Variants in BICRA observed in about 807,000 individuals in gnomAD.
BICRA encodes the protein BRD4-interacting chromatin-remodeling complex-associated protein.
A neutral mutation model predicts 96.9 loss-of-function variants in BICRA; 31 were observed. That is an observed-to-expected ratio of 0.32 (90% CI 0.24 to 0.43). The LOEUF is 0.43. Ranked by LOEUF, BICRA falls within the 20% of genes least tolerant of loss-of-function variation. The pLI, the probability that BICRA is intolerant of heterozygous loss-of-function variation, is 1.00. For missense variants in BICRA, 2,283 were observed against 2,190.3 expected, an observed-to-expected ratio of 1.04 and a Z score of -0.84; for synonymous variants, 1,350 against 1,071.8, an observed-to-expected ratio of 1.26 and a Z score of -5.07.
chr19:47,612,695 A>G (rs1971926925), intron 1 of BICRA, among the ~76,000 whole-genome samples: 3 of 151,218 alleles, frequency 2.0e-5, no homozygotes, highest in Non-Finnish European at 4.4e-5. Context: ...GAGGTAATAC[A>G]GGTGATCTTG....
intron 1 of BICRA, among the ~76,000 whole-genome samples, chr19:47,641,070 A>ATTTTTTTTTTT (rs71180861): frequency 4.8e-4 from 50 of 104,526 alleles, no homozygotes; most frequent in African/African-American, 1.6e-3. Context: ...TGCCTGGCTA[A>ATTTTTTTTTTT]TTTTTTTTTT....
chr19:47,640,146 T>C (rs528250406), intron 1 of BICRA, among the ~76,000 whole-genome samples: 1 of 152,320 alleles, frequency 6.6e-6, no homozygotes, highest in South Asian at 2.1e-4. Flanking sequence ...GTAACATTTA[T>C]CCCTTTGTTA....
intron 1 of BICRA, among the ~76,000 whole-genome samples, chr19:47,639,319 ATTTTTTT>A (rs35509834): frequency 9.5e-5 from 5 of 52,376 alleles, no homozygotes; most frequent in South Asian, 8.3e-4. Flanking sequence ...CCCACCCTGC[ATTTTTTT>A]TTTTTTTTTT....
chr19:47,618,339 T>A (rs1274680648), intron 1 of BICRA, among the ~76,000 whole-genome samples: 1 of 152,142 alleles, frequency 6.6e-6, no homozygotes, highest in Non-Finnish European at 1.5e-5. Flanking sequence ...GCTATTTCCC[T>A]CCTTTAGTCC....
chr19:47,672,629 G>C (rs929711420), intron 2 of BICRA, among the ~76,000 whole-genome samples: 2 of 151,642 alleles, frequency 1.3e-5, no homozygotes, highest in African/African-American at 2.4e-5. Context: ...TGTTTTGGAG[G>C]GTTGGAGGAA....
At chr19:47,659,135 C>G (rs1972666334) in intron 1 of BICRA, among the ~76,000 whole-genome samples, 1 of 152,170 alleles carries the variant, frequency 6.6e-6, no homozygotes, top group African/African-American at 2.4e-5. Flanking sequence ...AGAGAAGATG[C>G]ATAAAACATT....
At chr19:47,626,944 A>T (rs576318518) in intron 1 of BICRA, among the ~76,000 whole-genome samples, 1 of 150,976 alleles carries the variant, frequency 6.6e-6, no homozygotes, top group South Asian at 2.1e-4. Flanking sequence ...CTCGTCTTGA[A>T]CTCCTGTCCT....
intron 1 of BICRA, among the ~76,000 whole-genome samples, chr19:47,658,769 T>C (rs1972660867): frequency 6.6e-6 from 1 of 152,118 alleles, no homozygotes; most frequent in East Asian, 1.9e-4. Flanking sequence ...GACCTGCCGA[T>C]TCCCAGATTC....
intron 7 of BICRA, among the ~76,000 whole-genome samples, chr19:47,684,029 C>G (rs1017955304): frequency 6.6e-6 from 1 of 152,216 alleles, no homozygotes; most frequent in Non-Finnish European, 1.5e-5. Flanking sequence ...GTTTCACTTG[C>G]ACGCTCTCCC....
chr19:47,673,425 T>A (rs2123576872), intron 2 of BICRA, 145 bp from the exon 3 acceptor site: 2 of 680,514 alleles, frequency 2.9e-6, no homozygotes, highest in East Asian at 5.1e-5. Flanking sequence ...TGGGAGGTAT[T>A]CCTTGTCCCC....
intron 1 of BICRA, among the ~76,000 whole-genome samples, chr19:47,616,983 G>A (rs1004431516): frequency 1.1e-4 from 16 of 151,808 alleles, no homozygotes; most frequent in African/African-American, 3.1e-4. Context: ...TGTGGGCCAC[G>A]ACACCCAGCT....
chr19:47,655,251 C>G (rs1215741052), intron 1 of BICRA, among the ~76,000 whole-genome samples: 1 of 152,030 alleles, frequency 6.6e-6, no homozygotes, highest in Non-Finnish European at 1.5e-5. Context: ...TTTGGCCAGG[C>G]GTGGTGGCTC....
At chr19:47,621,394 T>G (rs1972062199) in intron 1 of BICRA, among the ~76,000 whole-genome samples, 2 of 152,092 alleles carry the variant, frequency 1.3e-5, no homozygotes. Context: ...CCCTGATGTC[T>G]TCCCAGTGCT....
rs1206545099 is a variant in BICRA at position 47,699,565 on chromosome 19, C to G, written c.3595+160C>G. Among the ~76,000 whole-genome samples the G allele has an allele frequency of 1.3e-5, 2 of 152,210 alleles. No homozygotes were observed. The highest frequency in any genetic ancestry group is 1.9e-4 in the East Asian group (1 of 5,168). Reference sequence around the variant, plus strand: ...CTTCCTGCTGGCAGCTGTGCCTCCCCTGACCTCCCGCCTCTCAGACCAGAT... The same window carrying G: ...CTTCCTGCTGGCAGCTGTGCCTCCCGTGACCTCCCGCCTCTCAGACCAGAT... On this transcript the variant is annotated intron_variant, in intron 14 of 14. Coordinates refer to ENST00000594866, the MANE Select transcript of BICRA (RefSeq NM_001394372.1). This position sits in a 1 kb window ranked among gnomAD's most constrained non-coding sequence, Gnocchi z 5.0.
rs374601970 is a variant in BICRA, at chr19:47,673,780, G to C, written c.84+18G>C. On this transcript the variant is annotated intron_variant, in intron 4 of 14. Transcript: ENST00000594866. ...CCGAGAAGGTAAGCATGGGCGCAGGGAGAGGCATTCCCTGAGTGGGGGGCT... is the reference window on the plus strand; with the variant it reads ...CCGAGAAGGTAAGCATGGGCGCAGGCAGAGGCATTCCCTGAGTGGGGGGCT... The C allele has an allele frequency of 4.4e-5, 71 of 1,606,726 alleles. No individual in the cohort carries two copies. The highest frequency in any genetic ancestry group is 6.0e-5 in the Non-Finnish European group (70 of 1,173,550).
In BICRA at chr19:47,698,586, T is replaced by TACCCCCC; in HGVS notation, c.3249-48_3249-47insACCCCCC. 2.8e-6 allele frequency: 2 copies of TACCCCCC among 716,702 alleles called. No homozygotes were observed. The highest frequency in any genetic ancestry group is 2.5e-6 in the Non-Finnish European group (1 of 392,844). 44.4% of individuals were successfully genotyped at this position (716,702 alleles called of 1,614,324 possible). ...AGGGACTTCCCCTGGCCCTCACCCG[T>TACCCCCC]CCCCCCCACCCTCCGCCGTGTGTGG... On this transcript the variant is annotated intron_variant, in intron 11 of 14. Transcript: ENST00000594866. This position sits in a 1 kb window ranked among gnomAD's most constrained non-coding sequence, Gnocchi z 4.8.
intron 1 of BICRA, among the ~76,000 whole-genome samples, chr19:47,669,458 T>C (rs1055588254): frequency 6.6e-6 from 1 of 152,096 alleles, no homozygotes; most frequent in African/African-American, 2.4e-5. Flanking sequence ...CTACTGCAAA[T>C]AGCAAGAATT....
intron 1 of BICRA, among the ~76,000 whole-genome samples, chr19:47,632,938 G>A (rs1017168327): frequency 2.0e-5 from 3 of 152,124 alleles, no homozygotes; most frequent in African/African-American, 7.2e-5. Flanking sequence ...CCGAAGTGGT[G>A]CAAGGGTTCG....
chr19:47,675,698 C>G lies in BICRA; in HGVS notation c.85-153C>G, dbSNP rs1319709671. Among the ~76,000 whole-genome samples, 1 of 152,204 alleles carries G rather than the reference C, an allele frequency of 6.6e-6. No individual in the cohort carries two copies. The highest frequency in any genetic ancestry group is 1.9e-4 in the East Asian group (1 of 5,188). Reference sequence around the variant, plus strand: ...GCACCCAAGCCCCTGCCTTTGGGGCCTCTTTTCGGAGGCGAGAGTTTCCCA... The same window carrying G: ...GCACCCAAGCCCCTGCCTTTGGGGCGTCTTTTCGGAGGCGAGAGTTTCCCA... On this transcript the variant is annotated intron_variant, in intron 4 of 14. Transcript: ENST00000594866. The surrounding 1 kb of genome is among the most constrained non-coding windows in gnomAD (Gnocchi z 4.7).
Sources: gnomAD v4.1 joint callset for allele counts (sites outside exome capture counted in the v4.1 genomes callset) on GRCh38, gnomAD v4.1.1 for gene constraint, Gnocchi (gnomAD v3.1) non-coding constraint, MANE v1.5 for transcripts, NCBI Gene and HGNC (gene_info 2026-07-23, HGNC 2026-07-21) for gene names.